SOX5: variants seen among roughly 807,000 people sequenced by gnomAD.
SOX5 encodes the protein transcription factor SOX-5.
Under a neutral mutation model 92.0 loss-of-function variants are expected in SOX5, and 9 were observed. The ratio of observed to expected loss-of-function variants is 0.10; its 90% CI spans 0.06 to 0.17. The LOEUF is 0.17. Among genes scored for constraint, SOX5 ranks in the 10% least tolerant of loss-of-function variants. The probability of loss-of-function intolerance (pLI) is 1.00; values close to 1 mark genes in which losing one functional copy is unlikely to be tolerated. For synonymous variants in SOX5, 344 were observed against 336.3 expected, an observed-to-expected ratio of 1.02 and a Z score of -0.25; for missense variants, 642 against 944.5, an observed-to-expected ratio of 0.68 and a Z score of 4.20.
intron 3 of SOX5, among the ~76,000 whole-genome samples, chr12:23,802,871 G>A (rs1182156852): frequency 6.6e-6 from 1 of 152,056 alleles, no homozygotes; most frequent in Non-Finnish European, 1.5e-5. Context: ...TCTGGCTTCT[G>A]ATCCGATTAG....
At chr12:23,705,741 G>C (rs779651903) in intron 6 of SOX5, among the ~76,000 whole-genome samples, 2 of 151,978 alleles carry the variant, frequency 1.3e-5, no homozygotes, top group African/African-American at 4.8e-5. Context: ...GTAACTTTAC[G>C]TAAGAAAAGA....
chr12:23,874,981 G>GAT (rs2096912435), intron 2 of SOX5, among the ~76,000 whole-genome samples: 1 of 152,200 alleles, frequency 6.6e-6, no homozygotes, highest in Non-Finnish European at 1.5e-5. Flanking sequence ...GGCCTACGTG[G>GAT]ATATTTTAGA....
intron 6 of SOX5, among the ~76,000 whole-genome samples, chr12:23,695,062 G>A (rs1393263831): frequency 6.6e-6 from 1 of 151,364 alleles, no homozygotes; most frequent in Non-Finnish European, 1.5e-5. Context: ...CGGGGCTGCA[G>A]TGAGCCGTGA....
At chr12:24,505,853 G>GCA (rs71063328) in intron 1 of SOX5, among the ~76,000 whole-genome samples, 9 of 134,814 alleles carry the variant, frequency 6.7e-5, no homozygotes, top group Non-Finnish European at 1.1e-4. Flanking sequence ...GTGTGTGTGT[G>GCA]CGTGTGTGTG....
chr12:24,470,849 T>C (rs1944740397), intron 1 of SOX5, among the ~76,000 whole-genome samples: 1 of 152,198 alleles, frequency 6.6e-6, no homozygotes, highest in Non-Finnish European at 1.5e-5. Context: ...AGGGTTACTA[T>C]GAAGTTTAAA....
intron 1 of SOX5, among the ~76,000 whole-genome samples, chr12:24,469,870 A>C (rs776447513): frequency 2.6e-5 from 4 of 152,220 alleles, no homozygotes; most frequent in Non-Finnish European, 4.4e-5. Flanking sequence ...TTGTCTCATT[A>C]CTACTGAAAA....
At chr12:24,256,827 T>G (rs775482402) in intron 3 of SOX5, among the ~76,000 whole-genome samples, 2 of 152,236 alleles carry the variant, frequency 1.3e-5, no homozygotes, top group Non-Finnish European at 2.9e-5. Flanking sequence ...GTTATTGTCA[T>G]CTGCCTGCTG....
intron 7 of SOX5, among the ~76,000 whole-genome samples, chr12:23,642,848 G>A (rs1202515357): frequency 6.8e-6 from 1 of 146,422 alleles, no homozygotes; most frequent in African/African-American, 2.4e-5. Context: ...AGCACTTTGG[G>A]AGGCCGAGGC....
At chr12:23,596,706 C>A (rs1952520690) in intron 9 of SOX5, among the ~76,000 whole-genome samples, 1 of 152,042 alleles carries the variant, frequency 6.6e-6, no homozygotes, top group South Asian at 2.1e-4. Context: ...TGATTCCCCC[C>A]AAAAAAGAGT....
intron 4 of SOX5, among the ~76,000 whole-genome samples, chr12:24,186,726 T>A (rs890834350): frequency 1.3e-5 from 2 of 152,168 alleles, no homozygotes; most frequent in African/African-American, 4.8e-5. Flanking sequence ...TGAGTTTCTA[T>A]TAAAAATATG....
At chr12:23,545,247 G>T (rs1454090013) in intron 12 of SOX5, among the ~76,000 whole-genome samples, 1 of 152,124 alleles carries the variant, frequency 6.6e-6, no homozygotes, top group Admixed American at 6.5e-5. Flanking sequence ...GTTTGCCTTT[G>T]TGCACTCTTC....
intron 3 of SOX5, among the ~76,000 whole-genome samples, chr12:23,800,280 A>G (rs751184712): frequency 8.5e-5 from 13 of 152,232 alleles, no homozygotes; most frequent in Non-Finnish European, 1.8e-4. Flanking sequence ...CAAAATGTCA[A>G]TGAGAATAAT....
At chr12:23,701,131 T>C (rs1380359484) in intron 6 of SOX5, among the ~76,000 whole-genome samples, 2 of 152,014 alleles carry the variant, frequency 1.3e-5, no homozygotes, top group Non-Finnish European at 2.9e-5. Context: ...TGAGTTGGCT[T>C]ATTTCGACTT....
chr12:23,936,388 T>C (rs11611435), intron 1 of SOX5, among the ~76,000 whole-genome samples: 58,031 of 150,692 alleles, frequency 0.39, 11,647 homozygotes, highest in Non-Finnish European at 0.44. Context: ...AACATCTTCC[T>C]TTCCATTGTA....
At chr12:23,592,943 G>C (rs1043778304) in intron 9 of SOX5, among the ~76,000 whole-genome samples, 38 of 152,060 alleles carry the variant, frequency 2.5e-4, no homozygotes, top group African/African-American at 5.3e-4. Context: ...GCTGGGTGTG[G>C]CAGCAGGCAC....
At chr12:24,240,219 A>C (rs1219457105) in intron 3 of SOX5, among the ~76,000 whole-genome samples, 1 of 152,214 alleles carries the variant, frequency 6.6e-6, no homozygotes. Context: ...CCCTGATTTT[A>C]GTACCAGATT....
intron 2 of SOX5, among the ~76,000 whole-genome samples, chr12:24,349,706 A>C (rs1953827216): frequency 6.6e-6 from 1 of 152,128 alleles, no homozygotes. Context: ...GGTTGCCTCT[A>C]CTTTTAGCTA....
chr12:24,294,773 G>A (rs188369776), intron 2 of SOX5, among the ~76,000 whole-genome samples: 10 of 152,274 alleles, frequency 6.6e-5, no homozygotes, highest in Admixed American at 1.3e-4. Flanking sequence ...CATTTGCTGC[G>A]CACAAAGTAG....
intron 1 of SOX5, among the ~76,000 whole-genome samples, chr12:24,374,536 C>CACAT (rs1217833732): frequency 6.7e-6 from 1 of 150,242 alleles, no homozygotes; most frequent in Admixed American, 6.6e-5. Flanking sequence ...CACACACACA[C>CACAT]ATGCATGCAC....
Sources: allele counts gnomAD v4.1 joint callset (sites outside exome capture counted in the v4.1 genomes callset), GRCh38; gene constraint gnomAD v4.1.1; transcripts MANE v1.5; gene names NCBI Gene and HGNC (gene_info 2026-07-23, HGNC 2026-07-21).